The following ANK3 variants were observed in gnomAD, a reference collection of about 807,000 sequenced individuals.
ANK3 encodes ankyrin-3.
ANK3 carries 57 observed loss-of-function variants against 370.9 expected under a neutral mutation model. That is an observed-to-expected ratio of 0.15 (90% confidence interval 0.12 to 0.19). The LOEUF (loss-of-function observed/expected upper bound fraction) is 0.19. ANK3 is among the 10% of genes least tolerant of loss of function. The probability of loss-of-function intolerance (pLI) is 1.00; values close to 1 mark genes in which losing one functional copy is unlikely to be tolerated. For missense variants in ANK3, 4,439 were observed against 5,302.1 expected (o/e 0.84, Z 5.06); for synonymous variants, 1,929 against 1,946.3 (o/e 0.99, Z 0.23).
chr10:60,544,071 G>A (rs995707295), intron 2 of ANK3, among the ~76,000 whole-genome samples: 1 of 152,106 alleles, frequency 6.6e-6, no homozygotes, highest in Non-Finnish European at 1.5e-5. Flanking sequence ...AAAACACTCA[G>A]TAGGATCTAG....
intron 35 of ANK3, chr10:60,081,687 A>G (rs776141508): frequency 1.3e-5 from 4 of 311,616 alleles, no homozygotes; most frequent in Non-Finnish European, 2.5e-5. Context: ...GCTGGATAGT[A>G]GGATATAGTT....
At chr10:60,725,074 T>C (rs2079922340) in intron 1 of ANK3, among the ~76,000 whole-genome samples, 2 of 152,250 alleles carry the variant, frequency 1.3e-5, no homozygotes, top group Admixed American at 1.3e-4. Context: ...TTATGTAAGA[T>C]GTACTTTATG....
intron 42 of ANK3, among the ~76,000 whole-genome samples, chr10:60,050,271 T>C (rs1393423420): frequency 6.6e-6 from 1 of 152,238 alleles, no homozygotes; most frequent in Non-Finnish European, 1.5e-5. Context: ...AAGTGATTCA[T>C]GGTTTTTAAA....
chr10:60,686,270 C>T (rs56049029), intron 1 of ANK3, among the ~76,000 whole-genome samples: 1,793 of 152,042 alleles, frequency 0.012, 36 homozygotes, highest in African/African-American at 0.041. Flanking sequence ...TGAAATAACA[C>T]TAAATATATT....
chr10:60,164,624 C>G (rs1225547623), intron 23 of ANK3, among the ~76,000 whole-genome samples: 1 of 152,056 alleles, frequency 6.6e-6, no homozygotes, highest in African/African-American at 2.4e-5. Context: ...GTCAAATACA[C>G]CAAAGCTTGA....
chr10:60,043,050 T>C (rs1282177021), intron 42 of ANK3: 2 of 1,140,818 alleles, frequency 1.8e-6, no homozygotes, highest in East Asian at 1.1e-4. Context: ...TATAGTAAGC[T>C]AAAAGAAATC....
intron 23 of ANK3, chr10:60,140,529 G>C: frequency 6.9e-7 from 1 of 1,457,818 alleles, no homozygotes; most frequent in Non-Finnish European, 9.0e-7. Flanking sequence ...TGATATCCTC[G>C]TAGGCAATTG....
At chr10:60,729,333 C>G (rs192234278) in intron 1 of ANK3, among the ~76,000 whole-genome samples, 21 of 152,236 alleles carry the variant, frequency 1.4e-4, no homozygotes, top group African/African-American at 4.8e-4. Context: ...CAGCATGAAG[C>G]CTTGACATCC....
At chr10:60,605,817 C>A in intron 2 of ANK3, among the ~76,000 whole-genome samples, 1 of 152,132 alleles carries the variant, frequency 6.6e-6, no homozygotes, top group East Asian at 1.9e-4. Context: ...CTTCTCTGCT[C>A]ATTTCATAAG....
At chr10:60,057,768 A>C (rs1005433876) in intron 41 of ANK3, among the ~76,000 whole-genome samples, 7 of 152,170 alleles carry the variant, frequency 4.6e-5, no homozygotes, top group African/African-American at 1.7e-4. Context: ...AATGATGAAC[A>C]CCTTTCCTAT....
At chr10:60,676,234 T>TA (rs1251770967) in intron 1 of ANK3, among the ~76,000 whole-genome samples, 1 of 152,204 alleles carries the variant, frequency 6.6e-6, no homozygotes, top group Non-Finnish European at 1.5e-5. Context: ...TAACAGTAGA[T>TA]AATTCTTGCA....
intron 2 of ANK3, among the ~76,000 whole-genome samples, chr10:60,527,080 C>T (rs1167563474): frequency 2.0e-5 from 3 of 151,984 alleles, no homozygotes; most frequent in Non-Finnish European, 4.4e-5. Flanking sequence ...ATTTCCATAG[C>T]GTGCTAGATG....
chr10:60,548,456 G>A (rs1458704777), intron 2 of ANK3, among the ~76,000 whole-genome samples: 1 of 151,568 alleles, frequency 6.6e-6, no homozygotes, highest in Non-Finnish European at 1.5e-5. Flanking sequence ...CGCTATGTTG[G>A]CCAGGCTGGT....
upstream of ANK3, among the ~76,000 whole-genome samples, chr10:60,391,950 G>A (rs1227854531): frequency 1.3e-5 from 2 of 152,066 alleles, no homozygotes; most frequent in Admixed American, 6.6e-5. Context: ...AAATCCTAAG[G>A]TATAGCTTGC....
chr10:60,136,476 C>T (rs142580317), intron 24 of ANK3, among the ~76,000 whole-genome samples: 1 of 104,572 alleles, frequency 9.6e-6, no homozygotes, highest in East Asian at 2.7e-4. Context: ...TTATGGTCCC[C>T]ATGGCATGAT....
intron 7 of ANK3, among the ~76,000 whole-genome samples, chr10:60,237,565 T>C (rs969290266): frequency 6.6e-6 from 1 of 152,112 alleles, no homozygotes; most frequent in African/African-American, 2.4e-5. Flanking sequence ...GATGTGTAGA[T>C]GACAAAAAGG....
At chr10:60,469,908 G>A (rs1202615010) in intron 2 of ANK3, among the ~76,000 whole-genome samples, 1 of 151,302 alleles carries the variant, frequency 6.6e-6, no homozygotes, top group African/African-American at 2.4e-5. Context: ...ATGGAACTGT[G>A]GTCTCATGGA....
intron 1 of ANK3, among the ~76,000 whole-genome samples, chr10:60,363,819 A>C (rs1028271869): frequency 6.6e-6 from 1 of 152,172 alleles, no homozygotes; most frequent in Non-Finnish European, 1.5e-5. Context: ...CAACCAGGAA[A>C]ATGGAACATA....
chr10:60,643,196 T>C (rs746016875), intron 1 of ANK3, among the ~76,000 whole-genome samples: 1 of 152,138 alleles, frequency 6.6e-6, no homozygotes, highest in Non-Finnish European at 1.5e-5. Context: ...GTGAGGGTGT[T>C]GCCAAAGGAG....
Sources: allele counts gnomAD v4.1 joint callset (sites outside exome capture counted in the v4.1 genomes callset), GRCh38; gene constraint gnomAD v4.1.1; transcripts MANE v1.5; gene names NCBI Gene and HGNC (gene_info 2026-07-23, HGNC 2026-07-21).